WWP1: variants seen among roughly 807,000 people sequenced by gnomAD.
WWP1 encodes the protein NEDD4-like E3 ubiquitin-protein ligase WWP1.
In WWP1, 49 loss-of-function variants were observed where a neutral mutation model predicts 130.6. That is an observed-to-expected ratio of 0.38 (90% confidence interval 0.30 to 0.48). The LOEUF (loss-of-function observed/expected upper bound fraction) is 0.48. WWP1 is among the 20% of genes least tolerant of loss of function. WWP1 has a pLI of 0.99. For synonymous variants in WWP1, 332 were observed against 367.8 expected (o/e 0.90, Z 1.11); for missense variants, 809 against 1,100.6 (o/e 0.74, Z 3.75).
At chr8:86,460,790 CTTTTTTTTTTTTTT>C (rs59506795) in intron 22 of WWP1, among the ~76,000 whole-genome samples, 43 of 62,400 alleles carry the variant, frequency 6.9e-4, no homozygotes, top group South Asian at 1.2e-3. Flanking sequence ...TTTAGCACAT[CTTTTTTTTTTTTTT>C]TTTTTTTTTT....
At chr8:86,421,875 C>T (rs567185660) in intron 9 of WWP1, among the ~76,000 whole-genome samples, 2 of 151,824 alleles carry the variant, frequency 1.3e-5, no homozygotes, top group South Asian at 2.1e-4. Flanking sequence ...AACAAATAAT[C>T]GGGAAAAGCT....
chr8:86,444,518 G>A (rs1810758443), intron 18 of WWP1, among the ~76,000 whole-genome samples: 1 of 152,188 alleles, frequency 6.6e-6, no homozygotes, highest in African/African-American at 2.4e-5. Flanking sequence ...ATTATAGTCA[G>A]GGAGATAAGT....
intron 1 of WWP1, among the ~76,000 whole-genome samples, chr8:86,354,623 T>C (rs914850284): frequency 2.6e-5 from 4 of 152,220 alleles, no homozygotes; most frequent in Non-Finnish European, 5.9e-5. Context: ...ATCTATTACA[T>C]GAATAACTTG....
rs1023871261 is a variant in WWP1, at chr8:86,438,455, C to G, written c.1750-130C>G. ...GTTTGTGAAAGAAACCAATTCATCT[C>G]TTGAGTTAAAAGCATTGTATAAGAT... On this transcript the variant is annotated intron_variant, in intron 16 of 24. Transcript: ENST00000517970. 7 of 656,526 alleles carry G rather than the reference C, an allele frequency of 1.1e-5. No homozygotes were observed. The African/African-American group carries it at 1.3e-4, about 12-fold the overall frequency. 40.7% of individuals were successfully genotyped at this position (656,526 alleles called of 1,614,324 possible). A position where few individuals can be genotyped will look rare whatever the true frequency, so the allele number is the denominator to read the frequency against.
intron 8 of WWP1, among the ~76,000 whole-genome samples, chr8:86,404,459 T>C (rs1808164798): frequency 1.3e-5 from 2 of 152,238 alleles, no homozygotes. Flanking sequence ...CTACAGCTTG[T>C]CTGATACTTT....
chr8:86,442,492 A>G (rs1586472954), intron 17 of WWP1, 127 bp from the exon 18 acceptor site: 1 of 868,700 alleles, frequency 1.2e-6, no homozygotes, highest in Non-Finnish European at 1.6e-6. Context: ...AGAGGGCCAA[A>G]GAATTGGGCA....
chr8:86,440,447 G>A (rs186780414), intron 17 of WWP1, among the ~76,000 whole-genome samples: 34 of 152,000 alleles, frequency 2.2e-4, no homozygotes, highest in East Asian at 5.8e-4. Context: ...TAAATTTCTC[G>A]CACACTTGTT....
chr8:86,423,982 G>GCCCGGC (rs1336587357), intron 9 of WWP1, among the ~76,000 whole-genome samples: 12 of 119,830 alleles, frequency 1.0e-4, no homozygotes, highest in Non-Finnish European at 2.1e-4. Flanking sequence ...AGCGCTTATG[G>GCCCGGC]GGCTGCCCCC....
intron 17 of WWP1, among the ~76,000 whole-genome samples, chr8:86,439,114 C>CA (rs150368593): frequency 0.15 from 22,381 of 151,950 alleles, 1,799 homozygotes; most frequent in Non-Finnish European, 0.19. Context: ...GAGGCCAAGG[C>CA]GGGTGGATCA....
chr8:86,346,842 C>T (rs183664414), intron 1 of WWP1, among the ~76,000 whole-genome samples: 1 of 152,042 alleles, frequency 6.6e-6, no homozygotes, highest in African/African-American at 2.4e-5. Context: ...AAAACATACA[C>T]AGATGAATTT....
At chr8:86,421,199 A>T (rs1162802508) in intron 9 of WWP1, among the ~76,000 whole-genome samples, 5 of 152,234 alleles carry the variant, frequency 3.3e-5, no homozygotes, top group African/African-American at 1.2e-4. Flanking sequence ...TTTTTACAGT[A>T]CTGAATATCA....
chr8:86,343,557 T>A lies in WWP1; in HGVS notation c.-115+627T>A, dbSNP rs542602765. Reference sequence around the variant, plus strand: ...TCCTTTCATCTTCGTGTTCTTTTTTTAAAAAAATTTAATTTTGTAGTTTGC... The same window carrying A: ...TCCTTTCATCTTCGTGTTCTTTTTTAAAAAAAATTTAATTTTGTAGTTTGC... On this transcript the variant is annotated intron_variant, in intron 1 of 24. Coordinates refer to ENST00000517970, the MANE Select transcript of WWP1 (RefSeq NM_007013.4). Among the ~76,000 whole-genome samples, 35 of 152,096 alleles carry A rather than the reference T, an allele frequency of 2.3e-4. 1 individual carries two copies. The South Asian group carries it at 5.0e-3, about 22-fold the overall frequency.
intron 1 of WWP1, among the ~76,000 whole-genome samples, chr8:86,349,571 A>C (rs1461214854): frequency 6.6e-6 from 1 of 152,156 alleles, no homozygotes; most frequent in Non-Finnish European, 1.5e-5. Flanking sequence ...ACTTTCCGCA[A>C]ATCTGGATTT....
rs375091817 is a variant in WWP1 at position 86,461,229 on chromosome 8, G to A, written c.2505G>A (p.Val835=). The part of the protein sequence containing the change: ...SKQIIWFWQF[V]KETDNEVRMR... ...TACATTTAATTTCATTACAGTTTGTGAAAGAGACAGACAATGAAGTAAGAA... is the reference window on the plus strand; with the variant it reads ...TACATTTAATTTCATTACAGTTTGTAAAAGAGACAGACAATGAAGTAAGAA... Residue 835 remains valine (V), a synonymous_variant, in exon 23 of 25, where the codon GTG becomes GTA. Coordinates refer to ENST00000517970, the MANE Select transcript of WWP1 (RefSeq NM_007013.4). 1.9e-6 allele frequency: 3 copies of A among 1,613,414 alleles called. No individual in the cohort carries two copies. The highest frequency in any genetic ancestry group is 2.7e-5 in the African/African-American group (2 of 74,894).
chr8:86,435,907 C>G (rs1194437269), intron 16 of WWP1, among the ~76,000 whole-genome samples: 2 of 152,004 alleles, frequency 1.3e-5, no homozygotes, highest in African/African-American at 2.4e-5. Flanking sequence ...GCCATGTTGC[C>G]CAGGTTGGTC....
chr8:86,355,481 C>T (rs949227485), intron 1 of WWP1, among the ~76,000 whole-genome samples: 2 of 152,100 alleles, frequency 1.3e-5, no homozygotes, highest in African/African-American at 4.8e-5. Context: ...AGTCGTTAAG[C>T]AAATATACTA....
At chr8:86,396,777 A>T (rs1350855480) in intron 5 of WWP1, among the ~76,000 whole-genome samples, 12 of 152,016 alleles carry the variant, frequency 7.9e-5, no homozygotes. Context: ...ATTTTTTTAA[A>T]AAAATAGAGA....
chr8:86,456,412 G>C (rs906307602), intron 21 of WWP1, among the ~76,000 whole-genome samples: 6 of 151,822 alleles, frequency 4.0e-5, no homozygotes, highest in Non-Finnish European at 7.4e-5. Context: ...AAAAAGATAA[G>C]AAAACATTTT....
intron 20 of WWP1, among the ~76,000 whole-genome samples, chr8:86,450,062 C>T (rs1811091201): frequency 6.6e-6 from 1 of 152,152 alleles, no homozygotes; most frequent in South Asian, 2.1e-4. Context: ...GTTACTGGGT[C>T]AAAAAGTATT....
Sources: allele counts gnomAD v4.1 joint callset (sites outside exome capture counted in the v4.1 genomes callset), GRCh38; gene constraint gnomAD v4.1.1; transcripts MANE v1.5; gene names NCBI Gene and HGNC (gene_info 2026-07-23, HGNC 2026-07-21).